ANKFN1: variants seen among roughly 807,000 people sequenced by gnomAD.
ANKFN1 encodes the protein ankyrin repeat and fibronectin type-III domain-containing protein 1.
A neutral mutation model predicts 108.7 loss-of-function variants in ANKFN1; 74 were observed. That is an observed-to-expected ratio of 0.68 (90% CI 0.56 to 0.83). The LOEUF is 0.83. ANKFN1 is among the 40% of genes least tolerant of loss of function. ANKFN1 has a pLI of 0.00. For missense variants in ANKFN1, 1,505 were observed against 1,382.3 expected (o/e 1.09, Z -1.41); for synonymous variants, 547 against 516.2 (o/e 1.06, Z -0.81).
At chr17:56,151,930 A>G (rs1908648591), upstream of ANKFN1, among the ~76,000 whole-genome samples, 1 of 152,164 alleles carries the variant, frequency 6.6e-6, no homozygotes, top group South Asian at 2.1e-4. Context: ...TTGCTGTTCA[A>G]TTCTTGAGTA....
At chr17:56,434,038 CA>C (rs973075633) in intron 8 of ANKFN1, among the ~76,000 whole-genome samples, 2 of 150,382 alleles carry the variant, frequency 1.3e-5, no homozygotes, top group African/African-American at 2.4e-5. Flanking sequence ...TCCATCTAAA[CA>C]AAAAAAAATT....
intron 4 of ANKFN1, among the ~76,000 whole-genome samples, chr17:56,139,871 T>C (rs1403421089): frequency 2.0e-5 from 3 of 152,232 alleles, no homozygotes; most frequent in Admixed American, 6.5e-5. Flanking sequence ...CGTTTCTTCA[T>C]ATCCTTTTCT....
At chr17:56,160,327 A>G (rs1343110915) in intron 1 of ANKFN1, among the ~76,000 whole-genome samples, 2 of 152,336 alleles carry the variant, frequency 1.3e-5, no homozygotes, top group South Asian at 4.1e-4. Context: ...CAAACTCTGC[A>G]AGTTTCTAGG....
chr17:56,194,012 G>A (rs905455287), intron 1 of ANKFN1, among the ~76,000 whole-genome samples: 28 of 152,182 alleles, frequency 1.8e-4, no homozygotes, highest in African/African-American at 6.8e-4. Context: ...TGGCAAGTGA[G>A]CACATGCAGA....
chr17:56,337,940 G>A (rs956803923), intron 4 of ANKFN1, among the ~76,000 whole-genome samples: 39 of 152,024 alleles, frequency 2.6e-4, no homozygotes, highest in African/African-American at 9.2e-4. Context: ...TTGACCCAGC[G>A]ATTCCATTAC....
At chr17:56,169,186 A>C (rs1910424986) in intron 1 of ANKFN1, among the ~76,000 whole-genome samples, 1 of 152,186 alleles carries the variant, frequency 6.6e-6, no homozygotes, top group Admixed American at 6.5e-5. Context: ...GCGCAGAGGA[A>C]GTGTGCAGAG....
At chr17:56,278,172 T>C (rs929515557) in intron 3 of ANKFN1, among the ~76,000 whole-genome samples, 1 of 152,216 alleles carries the variant, frequency 6.6e-6, no homozygotes, top group Non-Finnish European at 1.5e-5. Context: ...ATATCTCACA[T>C]TGAATGAAGC....
intron 3 of ANKFN1, among the ~76,000 whole-genome samples, chr17:56,280,135 G>A (rs1011523097): frequency 6.6e-5 from 10 of 151,254 alleles, no homozygotes; most frequent in African/African-American, 1.9e-4. Context: ...TCGGCCTCCC[G>A]AGTATCTGGG....
chr17:56,172,353 T>G (rs1598177214), intron 1 of ANKFN1, among the ~76,000 whole-genome samples: 1 of 152,182 alleles, frequency 6.6e-6, no homozygotes, highest in Admixed American at 6.5e-5. Flanking sequence ...AGCTTTCTTA[T>G]TCTGCATCCT....
chr17:56,370,318 G>C (rs1303158999), intron 6 of ANKFN1, among the ~76,000 whole-genome samples: 2 of 152,182 alleles, frequency 1.3e-5, no homozygotes, highest in Non-Finnish European at 2.9e-5. Context: ...AACAAAATGT[G>C]TGGTTCTAGG....
intron 2 of ANKFN1, among the ~76,000 whole-genome samples, chr17:56,223,639 A>C (rs950471792): frequency 3.3e-5 from 5 of 152,210 alleles, no homozygotes; most frequent in African/African-American, 1.2e-4. Context: ...AAATTATTAG[A>C]AGTCATGAAA....
intron 4 of ANKFN1, among the ~76,000 whole-genome samples, chr17:56,119,874 A>G (rs147204176): frequency 3.3e-5 from 5 of 152,300 alleles, no homozygotes; most frequent in Admixed American, 2.0e-4. Flanking sequence ...GAGAAATAGC[A>G]TATGAAAAGT....
chr17:56,480,819 G>A lies in ANKFN1; in HGVS notation c.2091+1G>A. 6.2e-7 allele frequency: 1 copy of A among 1,610,892 alleles called. No homozygotes were observed. Among genetic ancestry groups the A allele is most frequent in the Non-Finnish European group, 8.5e-7 (1 of 1,179,034 alleles). On this transcript the variant is annotated splice_donor_variant, in intron 17 of 20. Transcript: ENST00000682825. LOFTEE classifies it high-confidence loss of function. ...GCAGATCAATATACCTCTACACCAG[G>A]TACTAGACTTTACCATTTTTATCTT...
intron 3 of ANKFN1, among the ~76,000 whole-genome samples, chr17:56,311,137 TCTCTCTCGCTCA>T (rs1283874731): frequency 4.6e-5 from 7 of 151,284 alleles, no homozygotes; most frequent in African/African-American, 1.7e-4. Flanking sequence ...TATTTCTCTC[TCTCTCTCGCTCA>T]CTCTCTCTCT....
intron 8 of ANKFN1, among the ~76,000 whole-genome samples, chr17:56,396,467 A>C (rs1012811618): frequency 5.3e-5 from 8 of 152,186 alleles, no homozygotes; most frequent in African/African-American, 1.9e-4. Flanking sequence ...AGAACATCGA[A>C]CATTGCAAAG....
At chr17:56,493,002 T>A (rs1205812658) in intron 19 of ANKFN1, among the ~76,000 whole-genome samples, 4 of 152,172 alleles carry the variant, frequency 2.6e-5, no homozygotes, top group African/African-American at 9.7e-5. Context: ...AATCTTTCTG[T>A]CCATCAGTTA....
At chr17:56,159,429 A>G (rs972104350) in intron 1 of ANKFN1, among the ~76,000 whole-genome samples, 4 of 152,238 alleles carry the variant, frequency 2.6e-5, no homozygotes, top group African/African-American at 7.2e-5. Flanking sequence ...GCCTGAGCAG[A>G]TAGTACTTCT....
intron 4 of ANKFN1, among the ~76,000 whole-genome samples, chr17:56,330,042 A>G (rs1598413677): frequency 6.6e-6 from 1 of 152,208 alleles, no homozygotes; most frequent in Non-Finnish European, 1.5e-5. Context: ...AGTTTATGGT[A>G]TTTGGTTACA....
rs556462188 is a variant in ANKFN1 at position 56,226,723 on chromosome 17, G to C, written c.13-1194G>C. On this transcript the variant is annotated intron_variant, in intron 2 of 20. Transcript: ENST00000682825. Reference sequence around the variant, plus strand: ...ATAATAACAGCAGTAACAACACCAGGTGGAATTGGAGAGAGTGCTGGAGAG... The same window carrying C: ...ATAATAACAGCAGTAACAACACCAGCTGGAATTGGAGAGAGTGCTGGAGAG... Among the ~76,000 whole-genome samples the C allele has an allele frequency of 1.5e-4, 23 of 152,242 alleles. 2 individuals are homozygous for C. The highest frequency in any genetic ancestry group is 5.3e-4 in the African/African-American group (22 of 41,548).
Sources: allele counts gnomAD v4.1 joint callset (sites outside exome capture counted in the v4.1 genomes callset), GRCh38; gene constraint gnomAD v4.1.1; transcripts MANE v1.5; gene names NCBI Gene and HGNC (gene_info 2026-07-23, HGNC 2026-07-21).